SLC2A14: variants seen among roughly 807,000 people sequenced by gnomAD.
The protein encoded by SLC2A14 is solute carrier family 2 member 14.
A neutral mutation model predicts 43.0 loss-of-function variants in SLC2A14; 13 were observed. The observed-to-expected ratio is 0.30, with a 90% CI of 0.20 to 0.48. The LOEUF (loss-of-function observed/expected upper bound fraction) is 0.48, where lower values mean the gene tolerates loss of function less well. SLC2A14 is among the 20% of genes least tolerant of loss of function. SLC2A14 has a pLI of 0.99. For missense variants in SLC2A14, 428 were observed against 620.4 expected, an observed-to-expected ratio of 0.69 and a Z score of 3.29; for synonymous variants, 190 against 233.8, an observed-to-expected ratio of 0.81 and a Z score of 1.71.
intron 2 of SLC2A14, among the ~76,000 whole-genome samples, chr12:7,847,354 C>T (rs1235559398): frequency 6.6e-6 from 1 of 152,120 alleles, no homozygotes; most frequent in Admixed American, 6.6e-5. Context: ...TCCTTTTCCA[C>T]TCACACTGCT....
At chr12:7,857,884 G>A (rs1167192577) in intron 2 of SLC2A14, among the ~76,000 whole-genome samples, 2 of 152,048 alleles carry the variant, frequency 1.3e-5, no homozygotes, top group African/African-American at 4.8e-5. Flanking sequence ...AACACTTTGG[G>A]AGGCCAAGGC....
Position 7,828,728 on chromosome 12 carries a change from T to C in SLC2A14, c.652A>G (p.Lys218Glu). 1 of 1,614,158 alleles carries C rather than the reference T, an allele frequency of 6.2e-7. No homozygotes were observed. The highest frequency in any genetic ancestry group is 8.5e-7 in the Non-Finnish European group (1 of 1,179,998). The change falls in exon 6 of 11, where the codon AAA becomes GAA. Residue 218 changes from lysine (K) to glutamate (E), a missense_variant. Physicochemically the swap from Lys to Glu is moderately conservative, Grantham distance 56 (BLOSUM62 1). This residue lies in a region of SLC2A14 where 185 missense variants were observed against 275.4 expected (regional missense o/e 0.67). Transcript: ENST00000431042. The part of the protein sequence containing the change: ...ESPRFLLINR[K>E]KEENATRILQ... ...CTCCGCGTAGCATTCTCCTCTTTTT[T>C]TCTGTTAATGAGCAAAAATCTGGGA... is the stretch of plus-strand genomic sequence containing the variant.
intron 1 of SLC2A14, among the ~76,000 whole-genome samples, chr12:7,884,589 A>G (rs964433606): frequency 6.6e-6 from 1 of 152,090 alleles, no homozygotes; most frequent in Non-Finnish European, 1.5e-5. Flanking sequence ...CTGGAGCAAC[A>G]GCTAAGGTCG....
At chr12:7,855,464 C>A (rs1334030378) in intron 2 of SLC2A14, among the ~76,000 whole-genome samples, 1 of 151,798 alleles carries the variant, frequency 6.6e-6, no homozygotes, top group Non-Finnish European at 1.5e-5. Context: ...TTGATGACCA[C>A]CCCCTTGCTC....
rs184785893 is a variant in SLC2A14, at chr12:7,846,149, C to A, written c.19-13335G>T. 3.2e-4 allele frequency among the ~76,000 whole-genome samples: 48 copies of A among 152,038 alleles called. 1 individual carries two copies. In the East Asian group the frequency reaches 8.3e-3, roughly 26 times the overall value. ...ACTAGAAATGCAAACTCAAGCCCCT[C>A]CTATCCCCCCAGACCTACAGAATCA... On this transcript the variant is annotated intron_variant, in intron 2 of 10. Coordinates refer to ENST00000431042, the MANE Select transcript of SLC2A14 (RefSeq NM_001286234.2).
At chr12:7,867,469 G>A (rs930086906) in intron 2 of SLC2A14, among the ~76,000 whole-genome samples, 2 of 152,034 alleles carry the variant, frequency 1.3e-5, no homozygotes, top group Non-Finnish European at 2.9e-5. Flanking sequence ...AATTAGAAGT[G>A]GAACCCGAAG....
intron 2 of SLC2A14, among the ~76,000 whole-genome samples, chr12:7,838,876 A>G (rs1341462543): frequency 1.3e-5 from 2 of 152,224 alleles, no homozygotes; most frequent in East Asian, 3.9e-4. Flanking sequence ...ACATGAAGTC[A>G]CTAGGGTGGG....
intron 2 of SLC2A14, among the ~76,000 whole-genome samples, chr12:7,851,172 G>C (rs1380269894): frequency 6.6e-6 from 1 of 152,138 alleles, no homozygotes; most frequent in Admixed American, 6.5e-5. Context: ...GCTACAGACT[G>C]TGCTGAAAAC....
At chr12:7,878,502 A>G (rs1592328304) in intron 1 of SLC2A14, among the ~76,000 whole-genome samples, 1 of 151,244 alleles carries the variant, frequency 6.6e-6, no homozygotes, top group Non-Finnish European at 1.5e-5. Context: ...CAAGAGATCT[A>G]CCCACCTAGG....
rs773683449 is a variant in SLC2A14 at position 7,859,478 on chromosome 12, C to T, written c.18+10385G>A. Among the ~76,000 whole-genome samples the T allele has an allele frequency of 3.3e-5, 5 of 152,066 alleles. No individual in the cohort carries two copies. The East Asian group carries it at 7.7e-4, about 23-fold the overall frequency. On this transcript the variant is annotated intron_variant, in intron 2 of 10. Coordinates refer to ENST00000431042, the MANE Select transcript of SLC2A14 (RefSeq NM_001286234.2). ...CAAAATATACAGGTTTTGCAAGGAGCCCATTTATTATACATGACCAGGGCT... is the reference window on the plus strand; with the variant it reads ...CAAAATATACAGGTTTTGCAAGGAGTCCATTTATTATACATGACCAGGGCT...
chr12:7,828,804 G>A lies in SLC2A14; in HGVS notation c.576C>T (p.Thr192=). ...CACTTTGCAGGATAGCTGGAAGGAT[G>A]GTAAAGCCTAATAGCACCGGCCATA... ...EELWPVLLGF[T]ILPAILQSAA... Residue 192 remains threonine, a synonymous_variant, in exon 6 of 11, where the codon ACC becomes ACT. Coordinates refer to ENST00000431042, the MANE Select transcript of SLC2A14 (RefSeq NM_001286234.2). 4 of 1,614,138 alleles carry A rather than the reference G, an allele frequency of 2.5e-6. No individual in the cohort carries two copies. Among genetic ancestry groups the A allele is most frequent in the Non-Finnish European group, 3.4e-6 (4 of 1,180,028 alleles).
intron 2 of SLC2A14, among the ~76,000 whole-genome samples, chr12:7,843,034 A>G (rs1357239070): frequency 6.6e-6 from 1 of 152,088 alleles, no homozygotes; most frequent in South Asian, 2.1e-4. Context: ...GGCCACATAA[A>G]TGTTTTAATA....
intron 1 of SLC2A14, among the ~76,000 whole-genome samples, chr12:7,882,845 C>G (rs1945611415): frequency 6.6e-6 from 1 of 151,190 alleles, no homozygotes; most frequent in Admixed American, 6.6e-5. Flanking sequence ...AAAAAATTTG[C>G]TTGAGACTTG....
At chr12:7,875,417 A>T (rs1301011886), upstream of SLC2A14, among the ~76,000 whole-genome samples, 3 of 151,010 alleles carry the variant, frequency 2.0e-5, no homozygotes, top group African/African-American at 7.3e-5. Flanking sequence ...ATGAGGCCTG[A>T]AAATTGCATG....
At chr12:7,853,158 G>C (rs1176704697) in intron 2 of SLC2A14, among the ~76,000 whole-genome samples, 7 of 151,946 alleles carry the variant, frequency 4.6e-5, no homozygotes, top group African/African-American at 1.4e-4. Context: ...AAAGAAAACA[G>C]GGCTGGGCAT....
At chr12:7,866,455 C>T (rs1164466294) in intron 2 of SLC2A14, among the ~76,000 whole-genome samples, 7 of 152,006 alleles carry the variant, frequency 4.6e-5, no homozygotes, top group Admixed American at 4.6e-4. Context: ...ACCTCCACCT[C>T]CTGGGTTCAA....
At chr12:7,877,391 G>C (rs988569484), upstream of SLC2A14, among the ~76,000 whole-genome samples, 9 of 151,934 alleles carry the variant, frequency 5.9e-5, no homozygotes, top group African/African-American at 2.2e-4. Context: ...TCACTGCAGC[G>C]TCAACCTCCT....
chr12:7,827,073 C>CTGTT (rs1349948625), intron 7 of SLC2A14, among the ~76,000 whole-genome samples: 1 of 118,102 alleles, frequency 8.5e-6, no homozygotes, highest in Non-Finnish European at 1.7e-5. Flanking sequence ...TTCTCTCTCT[C>CTGTT]TCTTTCTTTC....
chr12:7,889,725 A>G (rs11056354), intron 1 of SLC2A14, among the ~76,000 whole-genome samples: 45,204 of 150,840 alleles, frequency 0.3, 6,778 homozygotes, highest in South Asian at 0.35. Context: ...TAGTAGAGAC[A>G]GGGTTCCATT....
Sources: allele counts gnomAD v4.1 joint callset (sites outside exome capture counted in the v4.1 genomes callset), GRCh38; gene constraint gnomAD v4.1.1; regional missense constraint gnomAD v4.1.1; transcripts MANE v1.5; gene names NCBI Gene and HGNC (gene_info 2026-07-23, HGNC 2026-07-21).